CEP164: variants seen among roughly 807,000 people sequenced by gnomAD.
CEP164 encodes the protein centrosomal protein of 164 kDa.
CEP164 carries 162 observed loss-of-function variants against 182.7 expected under a neutral mutation model. The ratio of observed to expected loss-of-function variants is 0.89; its 90% CI spans 0.78 to 1.01. The LOEUF (loss-of-function observed/expected upper bound fraction) is 1.01, where lower values mean the gene tolerates loss of function less well. CEP164 is among the 50% of genes least tolerant of loss of function. CEP164 has a pLI of 0.00. For missense variants in CEP164, 1,735 were observed against 1,790.4 expected (o/e 0.97, Z 0.56); for synonymous variants, 661 against 690.0 (o/e 0.96, Z 0.66).
Position 117,371,467 on chromosome 11 carries a change from G to C in CEP164, c.1152+1G>C. On this transcript the variant is annotated splice_donor_variant, in intron 9 of 32. Transcript: ENST00000278935. LOFTEE classifies it high-confidence loss of function. ...AGAGGGCAGTTCAGACGCCAGCCAAGTAAGTCACTGTATCCCATAGGCAGG... is the reference window on the plus strand; with the variant it reads ...AGAGGGCAGTTCAGACGCCAGCCAACTAAGTCACTGTATCCCATAGGCAGG... 1 of 1,604,896 alleles carries C rather than the reference G, an allele frequency of 6.2e-7. No individual in the cohort carries two copies. The highest frequency in any genetic ancestry group is 8.5e-7 in the Non-Finnish European group (1 of 1,176,112).
chr11:117,353,637 C>G (rs2039942043), intron 5 of CEP164, among the ~76,000 whole-genome samples: 1 of 152,124 alleles, frequency 6.6e-6, no homozygotes, highest in African/African-American at 2.4e-5. Context: ...TGGGACAGCC[C>G]TGGGCTGTCA....
At chr11:117,383,114 C>T (rs2043530509) in intron 14 of CEP164, among the ~76,000 whole-genome samples, 172 bp downstream of exon 14, 1 of 151,976 alleles carries the variant, frequency 6.6e-6, no homozygotes, top group African/African-American at 2.4e-5. Flanking sequence ...GAGCCCCACA[C>T]AGGCATGACT....
chr11:117,347,270 C>A (rs542435201), intron 4 of CEP164, among the ~76,000 whole-genome samples: 1 of 152,180 alleles, frequency 6.6e-6, no homozygotes, highest in South Asian at 2.1e-4. Context: ...CTTTGTCTGT[C>A]TTCACACCAG....
At chr11:117,390,740 G>A (rs1241828869) in intron 15 of CEP164, 37 bp from the exon 16 acceptor site, 1 of 1,613,054 alleles carries the variant, frequency 6.2e-7, no homozygotes. Context: ...GACCTTTGTG[G>A]TTTCTCTGAC....
At chr11:117,382,735 C>A in intron 13 of CEP164, 61 bp from the exon 14 acceptor site, 1 of 1,566,340 alleles carries the variant, frequency 6.4e-7, no homozygotes, top group Non-Finnish European at 8.7e-7. Context: ...AAATGGCGTA[C>A]ATCTTAAGCC....
Position 117,402,279 on chromosome 11 carries a change from TG to T in CEP164, c.3501+4968del, listed in dbSNP as rs2046232658. Among the ~76,000 whole-genome samples, 4 of 152,006 alleles carry T rather than the reference TG, an allele frequency of 2.6e-5. No individual in the cohort carries two copies. The South Asian group carries it at 8.4e-4, about 32-fold the overall frequency. On this transcript the variant is annotated intron_variant, in intron 27 of 32. Coordinates refer to ENST00000278935, the MANE Select transcript of CEP164 (RefSeq NM_014956.5). ...CTCTGTCACCCAGGCTGGAGTGCAG[TG>T]GCATGATCTTGGCTCACGCAAACTC...
chr11:117,382,904 G>A lies in CEP164; in HGVS notation c.1686G>A (p.Lys562=). 6.2e-7 allele frequency: 1 copy of A among 1,613,680 alleles called. No homozygotes were observed. Among genetic ancestry groups the A allele is most frequent in the Non-Finnish European group, 8.5e-7 (1 of 1,179,936 alleles). Residue 562 remains lysine (K), a synonymous_variant, in exon 14 of 33, where the codon AAG becomes AAA. Coordinates refer to ENST00000278935, the MANE Select transcript of CEP164 (RefSeq NM_014956.5). ...AAGAGGCAGAGGATCCTGAGGAGAA[G>A]GTGGCGGTCAGCCCCACCCCGCCAG... ...GQEEAEDPEE[K]VAVSPTPPVS...
At chr11:117,358,524 C>T (rs2040564098) in intron 5 of CEP164, among the ~76,000 whole-genome samples, 1 of 147,546 alleles carries the variant, frequency 6.8e-6, no homozygotes, top group Non-Finnish European at 1.5e-5. Context: ...TTCTTGGGCT[C>T]TTCCCCTCCC....
chr11:117,411,204 C>T lies in CEP164; in HGVS notation c.4163+310C>T, dbSNP rs926518987. The T allele has an allele frequency of 5.0e-5, 18 of 360,478 alleles. No homozygotes were observed. The highest frequency in any genetic ancestry group is 2.4e-4 in the African/African-American group (12 of 49,166). The allele number at this position is 360,478 out of a possible 1,614,324, so 22.3% of individuals were successfully genotyped here. A position where few individuals can be genotyped will look rare whatever the true frequency, so the allele number is the denominator to read the frequency against. ...TCAGCCCCTGGTGGGACCCTGCCCC[C>T]GCCCCTCCCTCTAGCCCCTCCAGCC... On this transcript the variant is annotated intron_variant, in intron 31 of 32. Coordinates refer to ENST00000278935, the MANE Select transcript of CEP164 (RefSeq NM_014956.5). The surrounding 1 kb of genome is among the most constrained non-coding windows in gnomAD (Gnocchi z 4.4).
At chr11:117,323,264 C>T (rs187169821), upstream of CEP164, among the ~76,000 whole-genome samples, 69 of 152,150 alleles carry the variant, frequency 4.5e-4, no homozygotes, top group South Asian at 2.7e-3. Context: ...GCTCTCTTTT[C>T]CTCAATCTGG....
chr11:117,341,871 T>G (rs1438543033), intron 3 of CEP164, among the ~76,000 whole-genome samples: 1 of 152,178 alleles, frequency 6.6e-6, no homozygotes, highest in Non-Finnish European at 1.5e-5. Context: ...TATGCAGGTT[T>G]CAGTTAACTG....
rs374832717 is a variant in CEP164, at chr11:117,371,450, G to A, written c.1136G>A (p.Ser379Asn). 6.2e-7 allele frequency: 1 copy of A among 1,609,266 alleles called. No individual in the cohort carries two copies. Among genetic ancestry groups the A allele is most frequent in the Non-Finnish European group, 8.5e-7 (1 of 1,178,154 alleles). ...KKKASALEEG[S>N]SDASQELEIS... ...AAGGCTTCTGCTCTGGAAGAGGGCA[G>A]TTCAGACGCCAGCCAAGTAAGTCAC... Residue 379 changes from serine to asparagine, a missense_variant, in exon 9 of 33, where the codon AGT becomes AAT. Ser to Asn is a conservative substitution (Grantham distance 46). Transcript: ENST00000278935.
At position 117,382,925 on chromosome 11, in the gene CEP164, G is replaced by C. The variant is rs182370374; in HGVS notation, c.1707G>C (p.Pro569=). The C allele has an allele frequency of 6.2e-7, 1 of 1,612,278 alleles. No homozygotes were observed. The highest frequency in any genetic ancestry group is 8.5e-7 in the Non-Finnish European group (1 of 1,179,348). The stretch of plus-strand genomic sequence containing the variant: ...AGAAGGTGGCGGTCAGCCCCACCCC[G>C]CCAGTCTCTCCAGAGGTGTAAGGGC... The part of the protein sequence containing the change: ...PEEKVAVSPT[P]PVSPEVRSTE... Residue 569 remains proline, a synonymous_variant, in exon 14 of 33, where the codon CCG becomes CCC. Transcript: ENST00000278935.
chr11:117,396,330 C>CATCA, intron 25 of CEP164, 150 bp downstream of exon 25: 1 of 935,300 alleles, frequency 1.1e-6, no homozygotes, highest in Non-Finnish European at 1.6e-6. Context: ...TGGGCCAAGG[C>CATCA]ATCAGGAAGG....
At chr11:117,402,223 G>T (rs1270801) in intron 27 of CEP164, among the ~76,000 whole-genome samples, 20,768 of 148,668 alleles carry the variant, frequency 0.14, 2,084 homozygotes, top group African/African-American at 0.27. Flanking sequence ...TTCTTTTCTT[G>T]TCTTTTTTTT....
intron 5 of CEP164, among the ~76,000 whole-genome samples, chr11:117,360,458 G>A (rs974563181): frequency 1.7e-4 from 26 of 152,282 alleles, no homozygotes; most frequent in African/African-American, 5.8e-4. Context: ...GTAGCCTCCA[G>A]CTCCTGGGCT....
At chr11:117,363,787 T>A (rs1054851752) in intron 8 of CEP164, among the ~76,000 whole-genome samples, 3 of 146,072 alleles carry the variant, frequency 2.1e-5, no homozygotes, top group African/African-American at 7.6e-5. Flanking sequence ...TTTTTTTTTT[T>A]AAGAGACAGA....
upstream of CEP164, among the ~76,000 whole-genome samples, chr11:117,322,921 A>T (rs1438274762): frequency 2.6e-5 from 4 of 151,974 alleles, 1 homozygote; most frequent in South Asian, 4.1e-4. Flanking sequence ...TCACGCCACC[A>T]TGCCCAGCTA....
Position 117,362,412 on chromosome 11 carries a change from G to C in CEP164, c.561G>C (p.Gln187His). The C allele has an allele frequency of 6.2e-7, 1 of 1,612,406 alleles. No individual in the cohort carries two copies. Among genetic ancestry groups the C allele is most frequent in the Non-Finnish European group, 8.5e-7 (1 of 1,179,094 alleles). Residue 187 changes from glutamine (Q) to histidine (H), a missense_variant, in exon 7 of 33, where the codon CAG (glutamine) becomes CAC (histidine). By Grantham distance (24) the Gln-to-His change is conservative. Transcript: ENST00000278935. Reference sequence around the variant, plus strand: ...CCTTCTCTATTTTGAAGCCTTCACAGGGTCTCAAGACCTCTGCTTATACAA... The same window carrying C: ...CCTTCTCTATTTTGAAGCCTTCACACGGTCTCAAGACCTCTGCTTATACAA... ...RQLGELMLPS[Q>H]GLKTSAYTKG...
Sources: gnomAD v4.1 joint callset for allele counts (sites outside exome capture counted in the v4.1 genomes callset) on GRCh38, gnomAD v4.1.1 for gene constraint, Gnocchi (gnomAD v3.1) non-coding constraint, MANE v1.5 for transcripts, NCBI Gene and HGNC (gene_info 2026-07-23, HGNC 2026-07-21) for gene names.